Variants in ZFYVE28 observed in about 807,000 individuals in gnomAD.
ZFYVE28 encodes the protein lateral signaling target protein 2 homolog.
A neutral mutation model predicts 82.1 loss-of-function variants in ZFYVE28; 40 were observed. That is an observed-to-expected ratio of 0.49 (90% CI 0.38 to 0.63). The LOEUF (loss-of-function observed/expected upper bound fraction) is 0.63, where lower values mean the gene tolerates loss of function less well. Among genes scored for constraint, ZFYVE28 ranks in the 30% least tolerant of loss-of-function variants. ZFYVE28 has a pLI of 0.00. For synonymous variants in ZFYVE28, 612 were observed against 546.1 expected (o/e 1.12, Z -1.68); for missense variants, 1,321 against 1,242.1 (o/e 1.06, Z -0.96).
intron 7 of ZFYVE28, among the ~76,000 whole-genome samples, chr4:2,319,827 T>TGGTGGGGAC (rs1183653246): frequency 5.9e-4 from 11 of 18,546 alleles, no homozygotes; most frequent in Non-Finnish European, 8.3e-4. Flanking sequence ...ATGGTGGGGA[T>TGGTGGGGAC]GGTGGGGACG....
intron 1 of ZFYVE28, among the ~76,000 whole-genome samples, chr4:2,399,545 G>GCT (rs1730947804): frequency 6.6e-6 from 1 of 152,220 alleles, no homozygotes. Flanking sequence ...CAAGTCCCAA[G>GCT]CTCAAAGCCT....
At chr4:2,328,890 C>A in intron 6 of ZFYVE28, 1 of 395,174 alleles carries the variant, frequency 2.5e-6, no homozygotes. Flanking sequence ...CTGTTCTTTC[C>A]TTATTGAATG....
intron 8 of ZFYVE28, chr4:2,286,285 G>C (rs1211176654): frequency 2.6e-5 from 4 of 152,426 alleles, no homozygotes; most frequent in Non-Finnish European, 4.4e-5. Flanking sequence ...TGAGACCTAA[G>C]GGACCTCAGC....
At chr4:2,401,599 C>T (rs1256805030) in intron 1 of ZFYVE28, among the ~76,000 whole-genome samples, 5 of 152,112 alleles carry the variant, frequency 3.3e-5, no homozygotes, top group Admixed American at 6.5e-5. Flanking sequence ...AAGAGAGTGT[C>T]TACAGAGAGG....
chr4:2,350,865 C>T lies in ZFYVE28; in HGVS notation c.180+3068G>A, dbSNP rs577739740. Among the ~76,000 whole-genome samples the T allele has an allele frequency of 4.1e-4, 63 of 152,348 alleles. No individual in the cohort carries two copies. The South Asian group carries it at 6.6e-3, about 16-fold the overall frequency. On this transcript the variant is annotated intron_variant, in intron 2 of 12. Transcript: ENST00000290974. ...AGGAGAAGGGCACACCCCAACTCCACGGGACAGAAGCTCCTGCCCTTGGGA... is the reference window on the plus strand; with the variant it reads ...AGGAGAAGGGCACACCCCAACTCCATGGGACAGAAGCTCCTGCCCTTGGGA...
chr4:2,273,128 G>A lies in ZFYVE28; in HGVS notation c.2323+45C>T, dbSNP rs760049988. 1.7e-5 allele frequency: 25 copies of A among 1,499,410 alleles called. No individual in the cohort carries two copies. In the East Asian group the frequency reaches 3.2e-4, roughly 19 times the overall value. The allele number at this position is 1,499,410 out of a possible 1,614,324, so 92.9% of individuals were successfully genotyped here. ...CACCCCTCCCTGTGGGCAGGGACAC[G>A]GCCACCAGCGCAGGCCTCAGAGCCC... On this transcript the variant is annotated intron_variant, in intron 10 of 12. Coordinates refer to ENST00000290974, the MANE Select transcript of ZFYVE28 (RefSeq NM_020972.3).
chr4:2,357,922 G>A (rs944951096), intron 1 of ZFYVE28, among the ~76,000 whole-genome samples: 1 of 152,140 alleles, frequency 6.6e-6, no homozygotes, highest in East Asian at 1.9e-4. Context: ...AGGTCAACAC[G>A]GGCCCCTCGC....
intron 6 of ZFYVE28, among the ~76,000 whole-genome samples, chr4:2,333,226 C>CACA (rs1469093511): frequency 1.5e-5 from 2 of 135,558 alleles, no homozygotes; most frequent in Admixed American, 7.2e-5. Context: ...CCTGACCCCC[C>CACA]CTGCTGCCCT....
At position 2,329,069 on chromosome 4, in the gene ZFYVE28, T is replaced by G. The variant is rs765092320; in HGVS notation, c.701+6636A>C. 18 of 694,954 alleles carry G rather than the reference T, an allele frequency of 2.6e-5. No individual in the cohort carries two copies. The South Asian group carries it at 2.7e-4, about 10-fold the overall frequency. The allele number at this position is 694,954 out of a possible 1,614,324, so 43.0% of individuals were successfully genotyped here. On this transcript the variant is annotated intron_variant, in intron 6 of 12. Transcript: ENST00000290974. ...CGTATGAATCTTCCAATTTTGTTTT[T>G]GTTTTTCAATATTGTTTTGGCTATT...
At position 2,416,689 on chromosome 4, in the gene ZFYVE28, C is replaced by T. The variant is rs1733075810; in HGVS notation, c.39+1596G>A. Among the ~76,000 whole-genome samples, 1 of 152,192 alleles carries T rather than the reference C, an allele frequency of 6.6e-6. No individual in the cohort carries two copies. The highest frequency in any genetic ancestry group is 1.5e-5 in the Non-Finnish European group (1 of 68,036). ...GAGAGGCTGGGCGCAGACGGCTCGG[C>T]CCCAAACCACACCCAGCGCCAGGAA... On this transcript the variant is annotated intron_variant, in intron 1 of 12. Transcript: ENST00000290974. This position sits in a 1 kb window ranked among gnomAD's most constrained non-coding sequence, Gnocchi z 4.6.
intron 2 of ZFYVE28, among the ~76,000 whole-genome samples, chr4:2,350,459 G>C (rs1013686717): frequency 3.1e-4 from 46 of 150,540 alleles, no homozygotes; most frequent in African/African-American, 1.1e-3. Context: ...GCGAGACTCC[G>C]TCTCAAAAAA....
rs557540468 is a variant in ZFYVE28, at chr4:2,276,995, A to T, written c.2052-2779T>A. 1.5e-3 allele frequency among the ~76,000 whole-genome samples: 222 copies of T among 150,982 alleles called. 2 individuals are homozygous for T. The highest frequency in any genetic ancestry group is 2.7e-3 in the South Asian group (13 of 4,782). On this transcript the variant is annotated intron_variant, in intron 8 of 12. Transcript: ENST00000290974. ...ATATTTTACAAAAATTAAAAATATAAAAAAAAAAGAATTGGGGCAGGGAGA... is the reference window on the plus strand; with the variant it reads ...ATATTTTACAAAAATTAAAAATATATAAAAAAAAGAATTGGGGCAGGGAGA...
chr4:2,337,360 G>A (rs1383421101), intron 5 of ZFYVE28, 47 bp downstream of exon 5: 1 of 1,527,976 alleles, frequency 6.5e-7, no homozygotes, highest in South Asian at 1.2e-5. Flanking sequence ...AGTGAGGCAG[G>A]GACTCCCCAG....
intron 1 of ZFYVE28, among the ~76,000 whole-genome samples, chr4:2,379,818 TTCTC>T (rs1728544022): frequency 6.6e-6 from 1 of 152,122 alleles, no homozygotes; most frequent in Admixed American, 6.6e-5. Flanking sequence ...GACAGAGTCT[TTCTC>T]TGTCACCCAG....
intron 6 of ZFYVE28, chr4:2,328,840 T>C: frequency 2.9e-6 from 1 of 340,776 alleles, no homozygotes; most frequent in Non-Finnish European, 5.3e-6. Flanking sequence ...TTCTTTTGCA[T>C]GTGGTTATCC....
chr4:2,277,044 C>T (rs903669739), intron 8 of ZFYVE28, among the ~76,000 whole-genome samples: 1 of 151,960 alleles, frequency 6.6e-6, no homozygotes, highest in African/African-American at 2.4e-5. Flanking sequence ...GGAACGGAGG[C>T]GGCAAGTACA....
chr4:2,374,990 T>C (rs1727966377), intron 1 of ZFYVE28, among the ~76,000 whole-genome samples: 1 of 152,190 alleles, frequency 6.6e-6, no homozygotes, highest in Non-Finnish European at 1.5e-5. Flanking sequence ...ACCCTGAGGT[T>C]CCAGACAGAA....
chr4:2,329,880 G>C (rs1720402157), intron 6 of ZFYVE28, among the ~76,000 whole-genome samples: 2 of 152,036 alleles, frequency 1.3e-5, no homozygotes, highest in Admixed American at 1.3e-4. Context: ...TAATACTTCG[G>C]GGATAATCTT....
rs142143923 is a variant in ZFYVE28, at chr4:2,320,558, G to A, written c.702-287C>T. On this transcript the variant is annotated intron_variant, in intron 6 of 12. Transcript: ENST00000290974. This position sits in a 1 kb window ranked among gnomAD's most constrained non-coding sequence, Gnocchi z 5.1. Reference sequence around the variant, plus strand: ...CAGAAAAGTGTATCTGCACACATCAGTGCTGCAATCAGATAAATTAGCCTC... The same window carrying A: ...CAGAAAAGTGTATCTGCACACATCAATGCTGCAATCAGATAAATTAGCCTC... Among the ~76,000 whole-genome samples the A allele has an allele frequency of 6.6e-6, 1 of 152,354 alleles. No homozygotes were observed. Among genetic ancestry groups the A allele is most frequent in the East Asian group, 1.9e-4 (1 of 5,196 alleles).
Sources: gnomAD v4.1 joint callset for allele counts (sites outside exome capture counted in the v4.1 genomes callset) on GRCh38, gnomAD v4.1.1 for gene constraint, Gnocchi (gnomAD v3.1) non-coding constraint, MANE v1.5 for transcripts, NCBI Gene and HGNC (gene_info 2026-07-23, HGNC 2026-07-21) for gene names.